The following DOP1A variants were observed in gnomAD, a reference collection of about 807,000 sequenced individuals.
DOP1A encodes the protein protein DOP1A.
In DOP1A, 90 loss-of-function variants were observed where a neutral mutation model predicts 267.6. The observed-to-expected ratio is 0.34, with a 90% CI of 0.28 to 0.40. The LOEUF (loss-of-function observed/expected upper bound fraction) is 0.40. DOP1A is among the 10% of genes least tolerant of loss of function. The probability of loss-of-function intolerance (pLI) is 1.00; values close to 1 mark genes in which losing one functional copy is unlikely to be tolerated. For synonymous variants in DOP1A, 932 were observed against 999.1 expected, an observed-to-expected ratio of 0.93 and a Z score of 1.27; for missense variants, 2,437 against 2,900.4, an observed-to-expected ratio of 0.84 and a Z score of 3.67.
chr6:83,130,702 C>A (rs555955631), intron 17 of DOP1A, among the ~76,000 whole-genome samples: 1 of 150,824 alleles, frequency 6.6e-6, no homozygotes, highest in Non-Finnish European at 1.5e-5. Context: ...AAGAGGAAAG[C>A]GGTAGAACTT....
chr6:83,166,168 T>C (rs933130352), intron 38 of DOP1A: 2 of 509,070 alleles, frequency 3.9e-6, no homozygotes, highest in African/African-American at 3.8e-5. Flanking sequence ...ACTCAGCTCA[T>C]GAGGCACCCA....
rs780576375 is a variant in DOP1A, at chr6:83,102,557, T to C, written c.320+1671T>C. 4.0e-4 allele frequency among the ~76,000 whole-genome samples: 61 copies of C among 152,238 alleles called. 1 individual carries two copies. Among genetic ancestry groups the C allele is most frequent in the Non-Finnish European group, 1.9e-4 (13 of 68,040 alleles). On this transcript the variant is annotated intron_variant, in intron 4 of 38. Coordinates refer to ENST00000349129, the MANE Select transcript of DOP1A (RefSeq NM_015018.4). ...TGATATATGTCTCAAATACATCTAC[T>C]TCCCTGAACCTTCACTGGCAGCATG...
chr6:83,165,680 G>GT (rs946183583), intron 38 of DOP1A: 1 of 215,038 alleles, frequency 4.7e-6, no homozygotes, highest in Non-Finnish European at 9.9e-6. Context: ...GCCTAAAGAA[G>GT]TGGTAGTTTG....
chr6:83,112,743 G>T (rs13362656), intron 6 of DOP1A, among the ~76,000 whole-genome samples: 4,342 of 152,210 alleles, frequency 0.029, 155 homozygotes, highest in East Asian at 0.084. Flanking sequence ...GATTGCAGGC[G>T]TGAGCCACCA....
At chr6:83,166,254 G>T in intron 38 of DOP1A, 1 of 522,278 alleles carries the variant, frequency 1.9e-6, no homozygotes, top group Non-Finnish European at 3.4e-6. Context: ...TGAGTTCTTG[G>T]GCAGCTCTCT....
chr6:83,142,564 A>G (rs771255989), intron 24 of DOP1A, among the ~76,000 whole-genome samples: 12 of 152,102 alleles, frequency 7.9e-5, no homozygotes, highest in Non-Finnish European at 1.3e-4. Flanking sequence ...AATATAAAAG[A>G]TATGTGAAAA....
rs1455195230 is a variant in DOP1A at position 83,137,713 on chromosome 6, G to A, written c.3671G>A (p.Gly1224Asp). 6.2e-7 allele frequency: 1 copy of A among 1,613,512 alleles called. No individual in the cohort carries two copies. Reference protein sequence around the residue: ...SQFLSVSAEGGHECVANGISR... With the variant: ...SQFLSVSAEGDHECVANGISR... ...TTTCTGTCTGTGTCTGCAGAGGGAG[G>A]CCATGAGTGTGTGGCAAATGGAATC... Residue 1224 changes from glycine to aspartate, a missense_variant, in exon 21 of 39, where the codon GGC becomes GAC. Physicochemically the swap from Gly to Asp is moderately conservative, Grantham distance 94 (BLOSUM62 -1). This residue lies in a region of DOP1A where 878 missense variants were observed against 992.9 expected (regional missense o/e 0.88). Transcript: ENST00000349129.
intron 3 of DOP1A, 93 bp downstream of exon 3, chr6:83,097,208 C>A: frequency 7.2e-7 from 1 of 1,381,878 alleles, no homozygotes; most frequent in African/African-American, 1.4e-5. Context: ...AGTAAGAATG[C>A]AAAAACATAA....
chr6:83,170,185 TA>T, downstream of DOP1A: 1 of 894,946 alleles, frequency 1.1e-6, no homozygotes, highest in Non-Finnish European at 1.7e-6. Context: ...AATGTGAACC[TA>T]AAAGGCTCAA....
chr6:83,143,020 C>T (rs971910605), intron 24 of DOP1A, among the ~76,000 whole-genome samples: 2 of 152,148 alleles, frequency 1.3e-5, no homozygotes, highest in South Asian at 2.1e-4. Flanking sequence ...ACATTCACAC[C>T]ATATTACATT....
intron 1 of DOP1A, among the ~76,000 whole-genome samples, chr6:83,078,627 TAGC>T (rs765527830): frequency 6.6e-6 from 1 of 152,194 alleles, no homozygotes; most frequent in Non-Finnish European, 1.5e-5. Context: ...CAGAAAATAA[TAGC>T]AGTGCTTGAC....
intron 1 of DOP1A, among the ~76,000 whole-genome samples, chr6:83,093,162 A>G (rs1770784213): frequency 6.6e-6 from 1 of 152,212 alleles, no homozygotes; most frequent in South Asian, 2.1e-4. Context: ...TTGGGAATGA[A>G]AGTATCATGA....
chr6:83,082,635 CAA>C (rs1768315658), intron 1 of DOP1A, among the ~76,000 whole-genome samples: 1 of 152,066 alleles, frequency 6.6e-6, no homozygotes. Flanking sequence ...TTGAAAAATA[CAA>C]AGAGTAGTAA....
At position 83,154,247 on chromosome 6, in the gene DOP1A, T is replaced by C; in HGVS notation, c.6451+6T>C. 1 of 1,611,814 alleles carries C rather than the reference T, an allele frequency of 6.2e-7. No homozygotes were observed. The highest frequency in any genetic ancestry group is 8.5e-7 in the Non-Finnish European group (1 of 1,178,442). Reference sequence around the variant, plus strand: ...AACATTTAGAGATTTGATGAGTGAGTATTACGGGATGACAATCCAAGTTCT... The same window carrying C: ...AACATTTAGAGATTTGATGAGTGAGCATTACGGGATGACAATCCAAGTTCT... On this transcript the variant is annotated splice_donor_region_variant and intron_variant, in intron 33 of 38. Coordinates refer to ENST00000349129, the MANE Select transcript of DOP1A (RefSeq NM_015018.4).
chr6:83,090,335 G>A (rs1283638565), intron 1 of DOP1A, among the ~76,000 whole-genome samples: 1 of 152,182 alleles, frequency 6.6e-6, no homozygotes, highest in Non-Finnish European at 1.5e-5. Context: ...CTAGGATTTA[G>A]ATTTAGGTCA....
chr6:83,100,597 A>T, intron 3 of DOP1A, 108 bp from the exon 4 acceptor site: 1 of 741,140 alleles, frequency 1.3e-6, no homozygotes, highest in South Asian at 5.0e-5. Context: ...AGCTAACAAA[A>T]CACAAAGACC....
At chr6:83,102,290 G>A (rs533638712) in intron 4 of DOP1A, among the ~76,000 whole-genome samples, 11 of 152,196 alleles carry the variant, frequency 7.2e-5, no homozygotes, top group South Asian at 2.1e-4. Flanking sequence ...TCCCACCTCC[G>A]GTGTACACAG....
intron 3 of DOP1A, 105 bp downstream of exon 3, chr6:83,097,220 T>A: frequency 7.7e-7 from 1 of 1,291,256 alleles, no homozygotes; most frequent in South Asian, 1.4e-5. Flanking sequence ...AAAACATAAA[T>A]GAACCTTAGA....
chr6:83,133,907 A>G (rs1778472195), intron 18 of DOP1A, among the ~76,000 whole-genome samples: 1 of 152,088 alleles, frequency 6.6e-6, no homozygotes, highest in Non-Finnish European at 1.5e-5. Context: ...CTGTTATACA[A>G]TAATATAGTA....
Sources: allele counts gnomAD v4.1 joint callset (sites outside exome capture counted in the v4.1 genomes callset), GRCh38; gene constraint gnomAD v4.1.1; regional missense constraint gnomAD v4.1.1; transcripts MANE v1.5; gene names NCBI Gene and HGNC (gene_info 2026-07-23, HGNC 2026-07-21).